The following CNTN3 variants were observed in gnomAD, a reference collection of about 807,000 sequenced individuals.
CNTN3 encodes contactin 3, also known as contactin-3.
CNTN3 carries 60 observed loss-of-function variants against 119.1 expected under a neutral mutation model. The observed-to-expected ratio is 0.50, with a 90% confidence interval of 0.41 to 0.62. The LOEUF is 0.62. CNTN3 is among the 20% of genes least tolerant of loss of function. The pLI is 0.00. For synonymous variants in CNTN3, 450 were observed against 438.7 expected, an observed-to-expected ratio of 1.03 and a Z score of -0.32; for missense variants, 1,101 against 1,242.4, an observed-to-expected ratio of 0.89 and a Z score of 1.71.
At position 74,295,330 on chromosome 3, in the gene CNTN3, G is replaced by A. The variant is rs145490809; in HGVS notation, c.2402-94C>T. On this transcript the variant is annotated intron_variant, in intron 18 of 22. Coordinates refer to ENST00000263665, the MANE Select transcript of CNTN3 (RefSeq NM_020872.3). ...CTTATTTTTATAAAAGCATTTTAACGTATTTGAAAATTGTATGAAATATTC... is the reference window on the plus strand; with the variant it reads ...CTTATTTTTATAAAAGCATTTTAACATATTTGAAAATTGTATGAAATATTC... 1.0e-3 allele frequency: 695 copies of A among 675,578 alleles called. 8 individuals carry two copies. The highest frequency in any genetic ancestry group is 0.01 in the African/African-American group (561 of 55,530). 41.8% of individuals were successfully genotyped at this position (675,578 alleles called of 1,614,324 possible).
intron 5 of CNTN3, among the ~76,000 whole-genome samples, chr3:74,399,897 T>C (rs1270553585): frequency 6.6e-6 from 1 of 152,158 alleles, no homozygotes; most frequent in Non-Finnish European, 1.5e-5. Flanking sequence ...GTGTTTCTAT[T>C]ATATGTCTCT....
intron 5 of CNTN3, among the ~76,000 whole-genome samples, chr3:74,396,607 G>T (rs954293832): frequency 1.3e-5 from 2 of 151,960 alleles, no homozygotes; most frequent in Non-Finnish European, 2.9e-5. Flanking sequence ...TTAACTGGGC[G>T]TCATGGTGGG....
At chr3:74,278,052 C>T (rs1040132436) in intron 20 of CNTN3, among the ~76,000 whole-genome samples, 3 of 151,088 alleles carry the variant, frequency 2.0e-5, no homozygotes, top group African/African-American at 7.3e-5. Context: ...ATGAATATAC[C>T]TAACCAGGAG....
chr3:74,436,787 A>C (rs956913795), intron 4 of CNTN3, among the ~76,000 whole-genome samples: 1 of 152,200 alleles, frequency 6.6e-6, no homozygotes, highest in African/African-American at 2.4e-5. Context: ...TGTTTATTCT[A>C]TTTCTGTACC....
chr3:74,547,648 GA>G (rs1466967030), intron 1 of CNTN3, among the ~76,000 whole-genome samples: 2 of 151,912 alleles, frequency 1.3e-5, no homozygotes, highest in African/African-American at 4.8e-5. Flanking sequence ...TTCATCTACT[GA>G]GCTGTTTATA....
chr3:74,577,889 C>T (rs1470543592), intron 1 of CNTN3, among the ~76,000 whole-genome samples: 2 of 152,064 alleles, frequency 1.3e-5, no homozygotes, highest in Non-Finnish European at 2.9e-5. Flanking sequence ...ACAAGGCAAG[C>T]ATTCCATATG....
chr3:74,596,351 G>A (rs1367811405), intron 1 of CNTN3, among the ~76,000 whole-genome samples: 1 of 152,106 alleles, frequency 6.6e-6, no homozygotes, highest in Non-Finnish European at 1.5e-5. Context: ...ACGTTCATGT[G>A]GAACCAAAAA....
At chr3:74,302,896 C>A in intron 13 of CNTN3, 89 bp from the exon 14 acceptor site, 2 of 766,044 alleles carry the variant, frequency 2.6e-6, no homozygotes, top group South Asian at 1.8e-5. Context: ...AACAACATTG[C>A]AATGAAAACT....
At chr3:74,367,531 G>C (rs1398422223) in intron 8 of CNTN3, among the ~76,000 whole-genome samples, 1 of 152,012 alleles carries the variant, frequency 6.6e-6, no homozygotes, top group African/African-American at 2.4e-5. Context: ...TAGCCAGTGA[G>C]GTTTGAGGAG....
intron 1 of CNTN3, among the ~76,000 whole-genome samples, chr3:74,542,919 G>A (rs1703861737): frequency 6.6e-6 from 1 of 152,126 alleles, no homozygotes; most frequent in African/African-American, 2.4e-5. Flanking sequence ...AGGAGTTCCA[G>A]ACCAGCACGG....
chr3:74,453,385 C>T (rs566679790), intron 4 of CNTN3, among the ~76,000 whole-genome samples: 126 of 152,024 alleles, frequency 8.3e-4, no homozygotes, highest in Middle Eastern at 3.4e-3. Context: ...TTTTTTATTG[C>T]GTCTATTTGA....
rs1227036979 is a variant in CNTN3 at position 74,301,422 on chromosome 3, C to T, written c.2071G>A (p.Glu691Lys). ...IGGGEPSLPS[E>K]KVRTEEAVPE... is the part of the protein sequence containing the mutation. ...CCTGCCTCTTCAGTTCTTACTTTTT[C>T]TGAGGGTAAACTTGGTTCTCCACCT... Residue 691 changes from glutamate to lysine, a missense_variant, in exon 16 of 23, where the codon GAA becomes AAA. Glu to Lys is a moderately conservative substitution (Grantham distance 56). Coordinates refer to ENST00000263665, the MANE Select transcript of CNTN3 (RefSeq NM_020872.3). 1.2e-6 allele frequency: 2 copies of T among 1,613,388 alleles called. No homozygotes were observed. Among genetic ancestry groups the T allele is most frequent in the Admixed American group, 1.7e-5 (1 of 59,932 alleles).
chr3:74,365,693 T>C lies in CNTN3; in HGVS notation c.956A>G (p.His319Arg), dbSNP rs1432101181. 2 of 1,609,084 alleles carry C rather than the reference T, an allele frequency of 1.2e-6. No individual in the cohort carries two copies. The highest frequency in any genetic ancestry group is 1.7e-6 in the Non-Finnish European group (2 of 1,177,448). Residue 319 changes from histidine to arginine, a missense_variant, in exon 9 of 23, where the codon CAT (histidine) becomes CGT (arginine). Coordinates refer to ENST00000263665, the MANE Select transcript of CNTN3 (RefSeq NM_020872.3). Reference sequence around the variant, plus strand: ...CACATCCTTTATGAGTTGAACCCAATGGGGCTTTGCTTCAATGAAAGAAAA... The same window carrying C: ...CACATCCTTTATGAGTTGAACCCAACGGGGCTTTGCTTCAATGAAAGAAAA... ...RGRLTYYAKP[H>R]WVQLIKDVEI...
intron 13 of CNTN3, among the ~76,000 whole-genome samples, chr3:74,334,265 C>G (rs1396734447): frequency 1.3e-5 from 2 of 152,134 alleles, no homozygotes; most frequent in Admixed American, 6.5e-5. Flanking sequence ...AGTTTGTGCA[C>G]CTGTACAATG....
intron 20 of CNTN3, among the ~76,000 whole-genome samples, chr3:74,268,257 T>G (rs933504309): frequency 1.1e-4 from 17 of 152,110 alleles, no homozygotes; most frequent in Non-Finnish European, 2.1e-4. Context: ...GCAACACAGA[T>G]AGGGCACTGG....
intron 19 of CNTN3, among the ~76,000 whole-genome samples, chr3:74,289,740 C>T (rs1003588906): frequency 1.3e-5 from 2 of 152,178 alleles, no homozygotes; most frequent in South Asian, 2.1e-4. Context: ...TTGCTCAAGG[C>T]CATACAGCAA....
At chr3:74,483,362 G>C (rs1318875306) in intron 4 of CNTN3, among the ~76,000 whole-genome samples, 1 of 151,916 alleles carries the variant, frequency 6.6e-6, no homozygotes, top group Admixed American at 6.6e-5. Flanking sequence ...CTCAAGGACA[G>C]TACCAAACAA....
chr3:74,363,191 A>G lies in CNTN3; in HGVS notation c.1214-1151T>C, dbSNP rs1461764420. Among the ~76,000 whole-genome samples, 3 of 152,264 alleles carry G rather than the reference A, an allele frequency of 2.0e-5. No homozygotes were observed. In the East Asian group the frequency reaches 5.8e-4, roughly 29 times the overall value. On this transcript the variant is annotated intron_variant, in intron 10 of 22. Coordinates refer to ENST00000263665, the MANE Select transcript of CNTN3 (RefSeq NM_020872.3). ...ATAATATGCTACTTCTCTGTCATGG[A>G]TAACAGCAGCCAGATTTTCAGTTGA...
At chr3:74,591,098 C>A (rs117324146) in intron 1 of CNTN3, among the ~76,000 whole-genome samples, 2 of 152,022 alleles carry the variant, frequency 1.3e-5, no homozygotes, top group East Asian at 3.9e-4. Flanking sequence ...CACGGCTAAT[C>A]ATTTACAGAG....
Sources: allele counts gnomAD v4.1 joint callset (sites outside exome capture counted in the v4.1 genomes callset), GRCh38; gene constraint gnomAD v4.1.1; transcripts MANE v1.5; gene names NCBI Gene and HGNC (gene_info 2026-07-23, HGNC 2026-07-21).